Variants in GLRB observed in about 807,000 individuals in gnomAD.
The protein encoded by GLRB is glycine receptor subunit beta.
A neutral mutation model predicts 54.2 loss-of-function variants in GLRB; 33 were observed. That is an observed-to-expected ratio of 0.61 (90% CI 0.46 to 0.81). The LOEUF (loss-of-function observed/expected upper bound fraction) is 0.81, where lower values mean the gene tolerates loss of function less well. Ranked by LOEUF, GLRB falls within the 40% of genes least tolerant of loss-of-function variation. The probability of loss-of-function intolerance (pLI) is 0.00; values close to 1 mark genes in which losing one functional copy is unlikely to be tolerated. For missense variants in GLRB, 572 were observed against 584.6 expected, an observed-to-expected ratio of 0.98 and a Z score of 0.22; for synonymous variants, 209 against 208.2, an observed-to-expected ratio of 1.00 and a Z score of -0.03.
Position 157,153,447 on chromosome 4 carries a change from A to G in GLRB, c.1197+437A>G, listed in dbSNP as rs1737104504. On this transcript the variant is annotated intron_variant, in intron 9 of 9. Coordinates refer to ENST00000264428, the MANE Select transcript of GLRB (RefSeq NM_000824.5). ...TGGAGAAGCCCATGCTCATGATTAA[A>G]TCACCCACCATTCCCCATTACATTA... Among the ~76,000 whole-genome samples the G allele has an allele frequency of 2.0e-5, 3 of 152,228 alleles. No individual in the cohort carries two copies. The South Asian group carries it at 6.2e-4, about 32-fold the overall frequency.
At chr4:157,134,604 A>C (rs910119424) in intron 4 of GLRB, among the ~76,000 whole-genome samples, 1 of 152,186 alleles carries the variant, frequency 6.6e-6, no homozygotes, top group African/African-American at 2.4e-5. Context: ...AACTAATATT[A>C]GGCTGAAATA....
chr4:157,099,270 G>A (rs1376499808), intron 2 of GLRB, among the ~76,000 whole-genome samples: 1 of 151,852 alleles, frequency 6.6e-6, no homozygotes, highest in Non-Finnish European at 1.5e-5. Context: ...TTCAGGTGAA[G>A]TTCAGCTGTT....
chr4:157,079,889 T>C (rs1239551795), intron 2 of GLRB, among the ~76,000 whole-genome samples: 1 of 152,212 alleles, frequency 6.6e-6, no homozygotes, highest in Non-Finnish European at 1.5e-5. Flanking sequence ...CTATGTCATA[T>C]AGTCACCGTA....
At chr4:157,104,899 T>A (rs1735165050) in intron 2 of GLRB, among the ~76,000 whole-genome samples, 1 of 151,980 alleles carries the variant, frequency 6.6e-6, no homozygotes. Context: ...TCAGTTGTAA[T>A]GCCCCTTCTT....
chr4:157,102,446 C>G (rs984712701), intron 2 of GLRB, among the ~76,000 whole-genome samples: 4 of 152,074 alleles, frequency 2.6e-5, no homozygotes, highest in Non-Finnish European at 5.9e-5. Context: ...ATTTGTCGTT[C>G]TGTGATTGGC....
intron 9 of GLRB, among the ~76,000 whole-genome samples, chr4:157,158,133 T>A (rs1737309816): frequency 6.6e-6 from 1 of 152,236 alleles, no homozygotes; most frequent in Non-Finnish European, 1.5e-5. Flanking sequence ...CATAAATGTC[T>A]TCTTTTAAGA....
At chr4:157,165,736 A>G (rs1254868941) in intron 9 of GLRB, among the ~76,000 whole-genome samples, 1 of 152,064 alleles carries the variant, frequency 6.6e-6, no homozygotes, top group Admixed American at 6.5e-5. Context: ...AAAGCAGTTA[A>G]GAACCTACTG....
At position 157,081,050 on chromosome 4, in the gene GLRB, T is replaced by C. The variant is rs191999954; in HGVS notation, c.122+2904T>C. ...CTTGGCCTCTTTGCTGTTTCTTTTT[T>C]CTAACCTGTTGTCTTTTGATATGTA... On this transcript the variant is annotated intron_variant, in intron 2 of 9. Coordinates refer to ENST00000264428, the MANE Select transcript of GLRB (RefSeq NM_000824.5). Among the ~76,000 whole-genome samples, 315 of 152,350 alleles carry C rather than the reference T, an allele frequency of 2.1e-3. 3 individuals carry two copies. Among genetic ancestry groups the C allele is most frequent in the Non-Finnish European group, 3.1e-3 (212 of 68,032 alleles).
chr4:157,147,409 GT>G (rs1736853284), intron 8 of GLRB, among the ~76,000 whole-genome samples: 1 of 152,160 alleles, frequency 6.6e-6, no homozygotes. Flanking sequence ...TCCATGGACA[GT>G]TTCTTTGAAG....
At position 157,112,609 on chromosome 4, in the gene GLRB, C is replaced by T. The variant is rs139466968; in HGVS notation, c.123-7947C>T. On this transcript the variant is annotated intron_variant, in intron 2 of 9. Transcript: ENST00000264428. ...GGGAACATGTCTTAAGAGGGAGTAA[C>T]GCAGGCTTAAACACAGGAACAGTGG... Among the ~76,000 whole-genome samples, 22 of 151,938 alleles carry T rather than the reference C, an allele frequency of 1.4e-4. 1 individual carries two copies. The East Asian group carries it at 4.3e-3, about 30-fold the overall frequency.
At chr4:157,099,349 T>C (rs1223738561) in intron 2 of GLRB, among the ~76,000 whole-genome samples, 3 of 152,120 alleles carry the variant, frequency 2.0e-5, no homozygotes, top group Admixed American at 6.5e-5. Context: ...ACTTTTTTTT[T>C]TTTTTTCGAG....
intron 2 of GLRB, among the ~76,000 whole-genome samples, chr4:157,081,768 A>G (rs1734230561): frequency 6.6e-6 from 1 of 152,156 alleles, no homozygotes; most frequent in Non-Finnish European, 1.5e-5. Flanking sequence ...TATATGCCAC[A>G]TTGACCTTAC....
Position 157,100,240 on chromosome 4 carries a change from C to G in GLRB, c.123-20316C>G, listed in dbSNP as rs1014382439. On this transcript the variant is annotated intron_variant, in intron 2 of 9. Transcript: ENST00000264428. ...TATTTTGATTATTTTTGCTTTATTA[C>G]TTTATATTTCACATTTAGATCTGTA... 4.6e-5 allele frequency among the ~76,000 whole-genome samples: 7 copies of G among 152,176 alleles called. No individual in the cohort carries two copies. The East Asian group carries it at 1.2e-3, about 25-fold the overall frequency.
intron 2 of GLRB, among the ~76,000 whole-genome samples, chr4:157,112,567 A>G (rs1735461172): frequency 6.6e-6 from 1 of 151,944 alleles, no homozygotes; most frequent in Admixed American, 6.6e-5. Flanking sequence ...ATTTGCATGA[A>G]AAAAGGGATT....
chr4:157,144,596 A>G (rs1199553205), intron 8 of GLRB, among the ~76,000 whole-genome samples: 1 of 152,192 alleles, frequency 6.6e-6, no homozygotes, highest in African/African-American at 2.4e-5. Context: ...AATTGAATAA[A>G]CTTCAAAATA....
intron 6 of GLRB, 118 bp downstream of exon 6, chr4:157,137,004 C>A (rs892741891): frequency 5.9e-6 from 4 of 673,014 alleles, no homozygotes; most frequent in South Asian, 1.7e-5. Context: ...TATAAATAGT[C>A]ATTAAAATAA....
At chr4:157,089,901 G>A (rs1392826212) in intron 2 of GLRB, among the ~76,000 whole-genome samples, 1 of 152,112 alleles carries the variant, frequency 6.6e-6, no homozygotes, top group African/African-American at 2.4e-5. Flanking sequence ...AATGACAAAA[G>A]CATCTTCAAA....
At chr4:157,120,088 A>G (rs1396938117) in intron 2 of GLRB, among the ~76,000 whole-genome samples, 2 of 151,784 alleles carry the variant, frequency 1.3e-5, no homozygotes, top group East Asian at 2.0e-4. Flanking sequence ...TTGTAGGGAC[A>G]TGGATGAAAC....
chr4:157,151,943 AGGT>A (rs1161937028), intron 8 of GLRB, among the ~76,000 whole-genome samples: 1 of 152,140 alleles, frequency 6.6e-6, no homozygotes, highest in Non-Finnish European at 1.5e-5. Flanking sequence ...CCATGCCAAT[AGGT>A]TATAGCTATA....
Sources: allele counts gnomAD v4.1 joint callset (sites outside exome capture counted in the v4.1 genomes callset), GRCh38; gene constraint gnomAD v4.1.1; transcripts MANE v1.5; gene names NCBI Gene and HGNC (gene_info 2026-07-23, HGNC 2026-07-21).